Variants in YEATS4 observed in about 807,000 individuals in gnomAD.
The protein encoded by YEATS4 is YEATS domain-containing protein 4.
In YEATS4, 17 loss-of-function variants were observed where a neutral mutation model predicts 30.1. The ratio of observed to expected loss-of-function variants is 0.56; its 90% confidence interval spans 0.39 to 0.85. The LOEUF is 0.85. Ranked by LOEUF, YEATS4 falls within the 40% of genes least tolerant of loss-of-function variation. The probability of loss-of-function intolerance (pLI) is 0.00; values close to 1 mark genes in which losing one functional copy is unlikely to be tolerated. For synonymous variants in YEATS4, 85 were observed against 87.5 expected (o/e 0.97, Z 0.16); for missense variants, 142 against 268.3 (o/e 0.53, Z 3.29).
At chr12:69,361,883 ACT>A (rs528513503) in intron 1 of YEATS4, among the ~76,000 whole-genome samples, 15 of 151,610 alleles carry the variant, frequency 9.9e-5, no homozygotes, top group Non-Finnish European at 2.2e-4. Flanking sequence ...CATCCAAGTG[ACT>A]CTTGGCCATT....
At chr12:69,420,416 G>A in the YEATS4 span, among the ~76,000 whole-genome samples, 1 of 150,542 alleles carries the variant, frequency 6.6e-6, no homozygotes. Flanking sequence ...AGGGGGAGGG[G>A]GACAGAGGCA....
the YEATS4 span, among the ~76,000 whole-genome samples, chr12:69,426,082 CAAACAAA>C: frequency 6.6e-6 from 1 of 151,960 alleles, no homozygotes; most frequent in African/African-American, 2.4e-5. Context: ...AAAAGAAAAA[CAAACAAA>C]AAATTAGTCA....
At chr12:69,400,020 C>T in the YEATS4 span, among the ~76,000 whole-genome samples, 63 of 151,902 alleles carry the variant, frequency 4.1e-4, no homozygotes, top group African/African-American at 1.4e-3. Context: ...TTTTACGTGG[C>T]GGTGATGGAA....
At chr12:69,367,200 T>C (rs973985661) in intron 4 of YEATS4, among the ~76,000 whole-genome samples, 13 of 152,352 alleles carry the variant, frequency 8.5e-5, no homozygotes, top group African/African-American at 2.9e-4. Context: ...TACGCTTCCC[T>C]GAACTTTTTA....
chr12:69,401,126 C>G, the YEATS4 span: 1 of 151,788 alleles, frequency 6.6e-6, no homozygotes, highest in African/African-American at 2.4e-5. Context: ...AACTCCCATG[C>G]TGATGAGTAG....
Position 69,359,862 on chromosome 12 carries a change from G to A in YEATS4, c.-111G>A. ...CAAGTAACTCGCCCTCCTTCGGCTAGAAACCCTCCGCCTGGGCCCGCGCGA... is the reference window on the plus strand; with the variant it reads ...CAAGTAACTCGCCCTCCTTCGGCTAAAAACCCTCCGCCTGGGCCCGCGCGA... On this transcript the variant is annotated 5_prime_UTR_variant, in exon 1 of 7. Coordinates refer to ENST00000247843, the MANE Select transcript of YEATS4 (RefSeq NM_006530.4). 7.2e-7 allele frequency: 1 copy of A among 1,384,240 alleles called. No individual in the cohort carries two copies. Among genetic ancestry groups the A allele is most frequent in the Non-Finnish European group, 9.9e-7 (1 of 1,006,382 alleles). 85.7% of individuals were successfully genotyped at this position (1,384,240 alleles called of 1,614,324 possible). A position where few individuals can be genotyped will look rare whatever the true frequency, so the allele number is the denominator to read the frequency against.
downstream of YEATS4, among the ~76,000 whole-genome samples, chr12:69,393,782 C>T (rs139177511): frequency 2.0e-5 from 3 of 152,176 alleles, no homozygotes; most frequent in African/African-American, 7.2e-5. Context: ...ATAATAGGTA[C>T]ATGGGAATTT....
the YEATS4 span, among the ~76,000 whole-genome samples, chr12:69,419,724 A>G: frequency 2.6e-5 from 4 of 152,172 alleles, no homozygotes; most frequent in Admixed American, 1.3e-4. Flanking sequence ...GTCAGTCCCT[A>G]CTCTCAAAGA....
At chr12:69,407,270 G>T in the YEATS4 span, among the ~76,000 whole-genome samples, 1 of 151,798 alleles carries the variant, frequency 6.6e-6, no homozygotes, top group Non-Finnish European at 1.5e-5. Flanking sequence ...AGACCTACTT[G>T]CAGGGTGAGT....
intron 6 of YEATS4, among the ~76,000 whole-genome samples, chr12:69,387,827 G>C (rs1036343701): frequency 6.6e-6 from 1 of 152,178 alleles, no homozygotes; most frequent in Admixed American, 6.5e-5. Flanking sequence ...GTCATGGCAG[G>C]CTGGGGAACA....
chr12:69,425,470 G>A, the YEATS4 span, among the ~76,000 whole-genome samples: 1 of 152,166 alleles, frequency 6.6e-6, no homozygotes, highest in Non-Finnish European at 1.5e-5. Flanking sequence ...AGCTCTGGTG[G>A]TGCACACCTT....
intron 6 of YEATS4, among the ~76,000 whole-genome samples, chr12:69,378,222 C>T (rs943289497): frequency 4.0e-5 from 6 of 151,630 alleles, no homozygotes; most frequent in Non-Finnish European, 8.8e-5. Flanking sequence ...TATCTTTTTC[C>T]ATCCCTTTAT....
chr12:69,403,747 C>T, the YEATS4 span, among the ~76,000 whole-genome samples: 1 of 152,146 alleles, frequency 6.6e-6, no homozygotes, highest in Admixed American at 6.5e-5. Flanking sequence ...CTCCTAAGTG[C>T]ATTGCAATTT....
chr12:69,408,156 G>A, the YEATS4 span, among the ~76,000 whole-genome samples: 3 of 152,086 alleles, frequency 2.0e-5, no homozygotes, highest in Non-Finnish European at 2.9e-5. Flanking sequence ...ACAATCTTCT[G>A]GGAAAACTAC....
chr12:69,362,846 A>G lies in YEATS4; in HGVS notation c.110A>G (p.Lys37Arg). ...AATGTTGCTCGGTATTTTGGAAAGAAAAGAGAAGAAGATGGGCACACTCAT... is the reference window on the plus strand; with the variant it reads ...AATGTTGCTCGGTATTTTGGAAAGAGAAGAGAAGAAGATGGGCACACTCAT... ...YGNVARYFGK[K>R]REEDGHTHQW... The change falls in exon 2 of 7, where the codon AAA becomes AGA. Residue 37 changes from lysine to arginine, a missense_variant. Physicochemically the swap from Lys to Arg is conservative, Grantham distance 26. Transcript: ENST00000247843. 6.2e-7 allele frequency: 1 copy of G among 1,612,884 alleles called. No individual in the cohort carries two copies. The highest frequency in any genetic ancestry group is 8.5e-7 in the Non-Finnish European group (1 of 1,179,224).
the YEATS4 span, among the ~76,000 whole-genome samples, chr12:69,399,137 A>T: frequency 6.6e-6 from 1 of 151,774 alleles, no homozygotes; most frequent in South Asian, 2.1e-4. Context: ...ACAGAGTGAG[A>T]CTCCGTCCCC....
At chr12:69,411,065 A>G in the YEATS4 span, among the ~76,000 whole-genome samples, 1 of 152,232 alleles carries the variant, frequency 6.6e-6, no homozygotes, top group Non-Finnish European at 1.5e-5. Context: ...GTGTGTATCT[A>G]TAGGTAACCA....
chr12:69,416,842 G>A, the YEATS4 span, among the ~76,000 whole-genome samples: 1 of 152,196 alleles, frequency 6.6e-6, no homozygotes, highest in African/African-American at 2.4e-5. Context: ...GGAGGCCGAG[G>A]TGGGTGGATA....
At chr12:69,414,105 C>T in the YEATS4 span, among the ~76,000 whole-genome samples, 1 of 152,206 alleles carries the variant, frequency 6.6e-6, no homozygotes, top group South Asian at 2.1e-4. Flanking sequence ...ACAAGATCAT[C>T]ATCACTCTCT....
Sources: allele counts gnomAD v4.1 joint callset (sites outside exome capture counted in the v4.1 genomes callset), GRCh38; gene constraint gnomAD v4.1.1; transcripts MANE v1.5; gene names NCBI Gene and HGNC (gene_info 2026-07-23, HGNC 2026-07-21).